Variants in TRAPPC10 observed in about 807,000 individuals in gnomAD.
TRAPPC10 encodes the protein trafficking protein particle complex subunit 10.
In TRAPPC10, 23 loss-of-function variants were observed where a neutral mutation model predicts 125.5. The ratio of observed to expected loss-of-function variants is 0.18; its 90% confidence interval spans 0.13 to 0.26. TRAPPC10 has a LOEUF of 0.26. Ranked by LOEUF, TRAPPC10 falls within the 10% of genes least tolerant of loss-of-function variation. The pLI is 1.00. For synonymous variants in TRAPPC10, 509 were observed against 518.0 expected, an observed-to-expected ratio of 0.98 and a Z score of 0.24; for missense variants, 1,123 against 1,308.4, an observed-to-expected ratio of 0.86 and a Z score of 2.19.
In TRAPPC10 at chr21:44,059,806, C is replaced by T. The variant is rs1294969552; in HGVS notation, c.790+592C>T. ...GTTTCTCTGTCGCTCCTTTTTGTTA[C>T]TCACAGCCCATCCTGGGCATCTCTC... is the stretch of plus-strand genomic sequence containing the variant. On this transcript the variant is annotated intron_variant, in intron 6 of 22. Coordinates refer to ENST00000291574, the MANE Select transcript of TRAPPC10 (RefSeq NM_003274.5). The surrounding 1 kb of genome is among the most constrained non-coding windows in gnomAD (Gnocchi z 4.4). The T allele has an allele frequency of 2.8e-6, 1 of 360,674 alleles. No individual in the cohort carries two copies. Among genetic ancestry groups the T allele is most frequent in the African/African-American group, 2.1e-5 (1 of 48,200 alleles). The allele number at this position is 360,674 out of a possible 1,614,324, so 22.3% of individuals were successfully genotyped here.
chr21:44,058,910 T>C (rs528442632), intron 5 of TRAPPC10, among the ~76,000 whole-genome samples, 193 bp from the exon 6 acceptor site: 1 of 152,316 alleles, frequency 6.6e-6, no homozygotes, highest in Admixed American at 6.5e-5. Flanking sequence ...GAAATTACCT[T>C]AGCTTTTCCT....
At chr21:44,076,047 C>CA (rs58237566) in intron 9 of TRAPPC10, among the ~76,000 whole-genome samples, 192 of 137,216 alleles carry the variant, frequency 1.4e-3, no homozygotes, top group South Asian at 7.7e-3. Context: ...AAAACTCTGT[C>CA]AAAAAAAAAA....
At chr21:44,085,182 C>G (rs1178501348) in intron 15 of TRAPPC10, among the ~76,000 whole-genome samples, 4 of 152,122 alleles carry the variant, frequency 2.6e-5, no homozygotes, top group Non-Finnish European at 5.9e-5. Context: ...CAGTCCTCAT[C>G]TTGAAGCTAC....
Position 44,014,394 on chromosome 21 carries a change from TCC to T in TRAPPC10, c.67+1835_67+1836del, listed in dbSNP as rs531122294. On this transcript the variant is annotated intron_variant, in intron 1 of 22. Transcript: ENST00000291574. The stretch of plus-strand genomic sequence containing the variant: ...GAGCAGCAGAGTGAATTTTTTTTTT[TCC>T]TTCTTCTTCTTTTTTGAGACGGCGT... 2.9e-3 allele frequency among the ~76,000 whole-genome samples: 442 copies of T among 150,546 alleles called. 4 individuals carry two copies. The highest frequency in any genetic ancestry group is 0.01 in the African/African-American group (412 of 40,512).
chr21:44,017,078 T>G (rs1187641774), intron 1 of TRAPPC10, among the ~76,000 whole-genome samples: 1 of 152,242 alleles, frequency 6.6e-6, no homozygotes, highest in Non-Finnish European at 1.5e-5. Flanking sequence ...TTTAAATGGG[T>G]GAATATGTTA....
rs1394187193 is a variant in TRAPPC10, at chr21:44,087,359, A to G, written c.2540-340A>G. Among the ~76,000 whole-genome samples the G allele has an allele frequency of 1.3e-5, 2 of 152,108 alleles. No homozygotes were observed. The highest frequency in any genetic ancestry group is 2.9e-5 in the Non-Finnish European group (2 of 68,014). ...ATCCTCCCAGCCACGAGGAAGGGGA[A>G]GGGGAGGACCCTGCTCCCCTGGGGT... On this transcript the variant is annotated intron_variant, in intron 16 of 22. Transcript: ENST00000291574. The surrounding 1 kb of genome is among the most constrained non-coding windows in gnomAD (Gnocchi z 4.6).
In TRAPPC10 at chr21:44,079,012, G is replaced by A. The variant is rs568580666; in HGVS notation, c.1470-552G>A. Among the ~76,000 whole-genome samples, 18 of 152,306 alleles carry A rather than the reference G, an allele frequency of 1.2e-4. No homozygotes were observed. In the East Asian group the frequency reaches 1.7e-3, roughly 15 times the overall value. On this transcript the variant is annotated intron_variant, in intron 11 of 22. Transcript: ENST00000291574. Reference sequence around the variant, plus strand: ...AGTGTGGCTATTTTAATTCTCCGGCGTTCTCTGGAAGCTGGATCCTGTGGA... The same window carrying A: ...AGTGTGGCTATTTTAATTCTCCGGCATTCTCTGGAAGCTGGATCCTGTGGA...
intron 13 of TRAPPC10, among the ~76,000 whole-genome samples, chr21:44,081,583 C>A (rs1390906173): frequency 2.0e-5 from 3 of 152,184 alleles, no homozygotes; most frequent in Admixed American, 6.5e-5. Context: ...AGTGAATACA[C>A]CCCAGCAGTC....
chr21:44,076,030 C>T (rs973895167), intron 9 of TRAPPC10, among the ~76,000 whole-genome samples: 1 of 143,188 alleles, frequency 7.0e-6, no homozygotes, highest in Non-Finnish European at 1.5e-5. Context: ...GCCTGGGCAA[C>T]AAGAGCAAAA....
intron 12 of TRAPPC10, 117 bp downstream of exon 12, chr21:44,079,821 A>G: frequency 8.5e-7 from 1 of 1,182,642 alleles, no homozygotes; most frequent in Non-Finnish European, 1.2e-6. Context: ...CCTAACTTAT[A>G]CATATGTATT....
chr21:44,087,923 C>G lies in TRAPPC10; in HGVS notation c.2764C>G (p.His922Asp), dbSNP rs1456431568. The G allele has an allele frequency of 6.2e-7, 1 of 1,612,788 alleles. No individual in the cohort carries two copies. The highest frequency in any genetic ancestry group is 8.5e-7 in the Non-Finnish European group (1 of 1,179,492). ...TGGCCGCTGCATGGTTACCACAGAC[C>G]ACAAAGTGAGTAGGGACAGTGGAGG... ...RTGRCMVTTD[H>D]KVSIDCPWSI... Residue 922 changes from histidine (H) to aspartate (D), a missense_variant, in exon 17 of 23, where the codon CAC becomes GAC. This residue lies in a region of TRAPPC10 where 840 missense variants were observed against 902.0 expected (regional missense o/e 0.93). Transcript: ENST00000291574. This position sits in a 1 kb window ranked among gnomAD's most constrained non-coding sequence, Gnocchi z 4.6.
rs140792075 is a variant in TRAPPC10, at chr21:44,037,844, T to C, written c.202T>C (p.Phe68Leu). The part of the protein sequence containing the change: ...MIHLESNFVQ[F>L]KEELLPKEGN... ...TCACCTAGAGTCTAACTTTGTTCAA[T>C]TCAAAGAGGAGCTGCTGCCCAAAGA... is the stretch of plus-strand genomic sequence containing the variant. The change falls in exon 3 of 23, where the codon TTC (phenylalanine) becomes CTC (leucine). Residue 68 changes from phenylalanine (F) to leucine (L), a missense_variant. Around this residue, in one of 4 missense-constraint regions of TRAPPC10, gnomAD observed 177 missense variants for 228.9 expected, o/e 0.77. Transcript: ENST00000291574. 6.2e-7 allele frequency: 1 copy of C among 1,614,082 alleles called. No homozygotes were observed. Among genetic ancestry groups the C allele is most frequent in the African/African-American group, 1.3e-5 (1 of 74,944 alleles).
chr21:44,067,482 G>A (rs954091869), intron 7 of TRAPPC10, among the ~76,000 whole-genome samples: 6 of 152,258 alleles, frequency 3.9e-5, no homozygotes, highest in Admixed American at 3.9e-4. Context: ...AGGGGTGGTT[G>A]TGAGAGCTGT....
chr21:44,043,333 T>C (rs1024152921), intron 3 of TRAPPC10, among the ~76,000 whole-genome samples: 2 of 150,254 alleles, frequency 1.3e-5, no homozygotes, highest in African/African-American at 2.5e-5. Context: ...TCTGTCCCAG[T>C]CTCCTGAGTA....
At chr21:44,057,405 T>G (rs1158674155) in intron 5 of TRAPPC10, among the ~76,000 whole-genome samples, 2 of 152,004 alleles carry the variant, frequency 1.3e-5, no homozygotes, top group Non-Finnish European at 2.9e-5. Flanking sequence ...GTTTAAGCGA[T>G]TCTCCTGCCT....
Position 44,091,351 on chromosome 21 carries a change from C to A in TRAPPC10, c.2871-572C>A, listed in dbSNP as rs182863735. 1.5e-3 allele frequency among the ~76,000 whole-genome samples: 227 copies of A among 152,324 alleles called. 1 individual carries two copies. Among genetic ancestry groups the A allele is most frequent in the African/African-American group, 4.7e-3 (197 of 41,572 alleles). ...CCAAAGGCCAGTGAGGGTGACCAGCCATGATCACTTAATAAGGCTGGTCAG... is the reference window on the plus strand; with the variant it reads ...CCAAAGGCCAGTGAGGGTGACCAGCAATGATCACTTAATAAGGCTGGTCAG... On this transcript the variant is annotated intron_variant, in intron 18 of 22. Coordinates refer to ENST00000291574, the MANE Select transcript of TRAPPC10 (RefSeq NM_003274.5).
At chr21:44,062,487 G>A (rs938073313) in intron 6 of TRAPPC10, 36 of 962,694 alleles carry the variant, frequency 3.7e-5, no homozygotes, top group South Asian at 4.8e-5. Context: ...CTGTGGGGGC[G>A]GCACTGGCAC....
chr21:44,076,507 G>C, intron 9 of TRAPPC10, 45 bp from the exon 10 acceptor site: 1 of 1,450,632 alleles, frequency 6.9e-7, no homozygotes, highest in African/African-American at 1.4e-5. Flanking sequence ...CATGTGACTG[G>C]ACATGATGAA....
intron 2 of TRAPPC10, among the ~76,000 whole-genome samples, chr21:44,034,915 G>T (rs2033879195): frequency 6.6e-6 from 1 of 152,202 alleles, no homozygotes; most frequent in Non-Finnish European, 1.5e-5. Flanking sequence ...ACCTCCCACT[G>T]CAGCCAGAGG....
Sources: allele counts gnomAD v4.1 joint callset (sites outside exome capture counted in the v4.1 genomes callset), GRCh38; gene constraint gnomAD v4.1.1; regional missense constraint gnomAD v4.1.1; non-coding constraint Gnocchi (gnomAD v3.1); transcripts MANE v1.5; gene names NCBI Gene and HGNC (gene_info 2026-07-23, HGNC 2026-07-21).